The following BEND7 variants were observed in gnomAD, a reference collection of about 807,000 sequenced individuals.
BEND7 encodes the protein BEN domain-containing protein 7.
In BEND7, 28 loss-of-function variants were observed where a neutral mutation model predicts 50.9. The observed-to-expected ratio is 0.55, with a 90% CI of 0.41 to 0.75. The LOEUF (loss-of-function observed/expected upper bound fraction) is 0.75, where lower values mean the gene tolerates loss of function less well. Ranked by LOEUF, BEND7 falls within the 30% of genes least tolerant of loss-of-function variation. The pLI is 0.00. For missense variants in BEND7, 477 were observed against 491.3 expected (o/e 0.97, Z 0.28); for synonymous variants, 170 against 183.9 (o/e 0.92, Z 0.61).
chr10:13,439,670 C>A (rs902369261), downstream of BEND7, among the ~76,000 whole-genome samples: 1 of 152,210 alleles, frequency 6.6e-6, no homozygotes, highest in Non-Finnish European at 1.5e-5. Flanking sequence ...CCAGCCTGAG[C>A]TGATTCTTTC....
At chr10:13,473,086 T>C (rs2075050642) in intron 6 of BEND7, among the ~76,000 whole-genome samples, 1 of 151,658 alleles carries the variant, frequency 6.6e-6, no homozygotes, top group African/African-American at 2.4e-5. Context: ...GGGACTGATA[T>C]CCATCATCGT....
chr10:13,517,065 CTTTTTTTT>C (rs5783329), intron 2 of BEND7, among the ~76,000 whole-genome samples: 3 of 126,132 alleles, frequency 2.4e-5, no homozygotes, highest in Non-Finnish European at 5.1e-5. Context: ...TTTCTGGTGG[CTTTTTTTT>C]TTTTTTTTTT....
Position 13,526,229 on chromosome 10 carries a change from G to A in BEND7, c.62-8C>T, listed in dbSNP as rs1276249408. The A allele has an allele frequency of 3.1e-6, 4 of 1,282,762 alleles. No individual in the cohort carries two copies. Among genetic ancestry groups the A allele is most frequent in the Admixed American group, 4.7e-5 (2 of 42,590 alleles). 79.5% of individuals were successfully genotyped at this position (1,282,762 alleles called of 1,614,324 possible). A position where few individuals can be genotyped will look rare whatever the true frequency, so the allele number is the denominator to read the frequency against. ...ACACCTCGTGGTGATAATCTGGCAT[G>A]AGAAAACAACCAAAAATTAGAATCC... On this transcript the variant is annotated splice_polypyrimidine_tract_variant and splice_region_variant and intron_variant, in intron 1 of 8. Transcript: ENST00000466271.
intron 2 of BEND7, among the ~76,000 whole-genome samples, chr10:13,506,629 C>T (rs1488792977): frequency 6.6e-6 from 1 of 152,130 alleles, no homozygotes; most frequent in Non-Finnish European, 1.5e-5. Context: ...ATATATCCTA[C>T]ACAAAAACAA....
At chr10:13,501,986 A>T (rs1402389252) in intron 2 of BEND7, among the ~76,000 whole-genome samples, 1 of 152,156 alleles carries the variant, frequency 6.6e-6, no homozygotes, top group Admixed American at 6.5e-5. Context: ...GCTCCTACAA[A>T]TACACACAGC....
chr10:13,441,735 G>C lies in BEND7; in HGVS notation c.*8C>G, dbSNP rs536722933. On this transcript the variant is annotated 3_prime_UTR_variant, in exon 9 of 9. Transcript: ENST00000466271. The stretch of plus-strand genomic sequence containing the variant: ...AAAAACACAAGAGCTGTGGTTTGCA[G>C]TCCTTCATCAGACCACTTGAGAAAA... The C allele has an allele frequency of 6.2e-7, 1 of 1,614,068 alleles. No homozygotes were observed. Among genetic ancestry groups the C allele is most frequent in the African/African-American group, 1.3e-5 (1 of 75,052 alleles).
chr10:13,484,199 G>C (rs916981710), intron 5 of BEND7, among the ~76,000 whole-genome samples: 5 of 152,190 alleles, frequency 3.3e-5, no homozygotes, highest in African/African-American at 1.2e-4. Flanking sequence ...TTCTCGGCCT[G>C]TCTCCTATTC....
At chr10:13,498,597 TAG>T (rs1191656046) in intron 3 of BEND7, among the ~76,000 whole-genome samples, 1 of 152,238 alleles carries the variant, frequency 6.6e-6, no homozygotes, top group African/African-American at 2.4e-5. Flanking sequence ...TCCATGGTAG[TAG>T]AGTTAGAAAG....
chr10:13,479,549 C>G (rs2075707928), intron 6 of BEND7, among the ~76,000 whole-genome samples: 1 of 152,170 alleles, frequency 6.6e-6, no homozygotes, highest in Non-Finnish European at 1.5e-5. Context: ...CGCTGCATTT[C>G]AGAAAAGCAC....
At chr10:13,478,254 G>T (rs1168501807) in intron 6 of BEND7, among the ~76,000 whole-genome samples, 1 of 152,190 alleles carries the variant, frequency 6.6e-6, no homozygotes. Context: ...CTTCCAGGGA[G>T]GGAGTTCACA....
chr10:13,528,143 C>T (rs1425069076), intron 1 of BEND7, among the ~76,000 whole-genome samples: 3 of 152,150 alleles, frequency 2.0e-5, no homozygotes, highest in African/African-American at 7.2e-5. Flanking sequence ...GGTCCACGCT[C>T]GGCCTGATGG....
At chr10:13,498,039 T>C (rs1291782083) in intron 3 of BEND7, among the ~76,000 whole-genome samples, 4 of 151,572 alleles carry the variant, frequency 2.6e-5, no homozygotes, top group South Asian at 2.1e-4. Context: ...AATACCAAAG[T>C]AGTCACAGTT....
At chr10:13,505,421 A>G (rs530246449) in intron 2 of BEND7, among the ~76,000 whole-genome samples, 1 of 152,324 alleles carries the variant, frequency 6.6e-6, no homozygotes, top group East Asian at 1.9e-4. Context: ...ACCTGTGTGG[A>G]TAACGCTCTG....
chr10:13,451,221 G>A (rs968259738), intron 7 of BEND7, among the ~76,000 whole-genome samples: 15 of 148,930 alleles, frequency 1.0e-4, no homozygotes, highest in African/African-American at 2.2e-4. Context: ...ACAGGGTCTC[G>A]CTCTGTCACC....
intron 5 of BEND7, among the ~76,000 whole-genome samples, chr10:13,483,257 C>T (rs1282301272): frequency 1.3e-5 from 2 of 152,132 alleles, no homozygotes; most frequent in South Asian, 2.1e-4. Context: ...ATCCTGTGAA[C>T]ATGGACCCCA....
chr10:13,471,650 C>A (rs1054286482), intron 6 of BEND7, among the ~76,000 whole-genome samples: 1 of 152,230 alleles, frequency 6.6e-6, no homozygotes, highest in East Asian at 1.9e-4. Flanking sequence ...GAAACCAGGA[C>A]CCTTGTGTCA....
chr10:13,486,381 C>A (rs1189331490), intron 5 of BEND7, among the ~76,000 whole-genome samples: 1 of 152,186 alleles, frequency 6.6e-6, no homozygotes, highest in African/African-American at 2.4e-5. Context: ...AGGGTAGCCA[C>A]AAGAGCATGT....
chr10:13,452,640 C>A lies in BEND7; in HGVS notation c.1082G>T (p.Cys361Phe). The change falls in exon 7 of 9, where the codon TGT (cysteine) becomes TTT (phenylalanine). Residue 361 changes from cysteine (C) to phenylalanine (F), a missense_variant. Physicochemically the swap from Cys to Phe is radical, Grantham distance 205. Coordinates refer to ENST00000466271, the MANE Select transcript of BEND7 (RefSeq NM_001369863.1). ...GAIKVFTEKY[C>F]TANHVDKLPG... is the part of the protein sequence containing the mutation. ...AAGCTTATCCACATGGTTAGCTGTACAGTACTTTTCTGTGAAGACTGAAAG... is the reference window on the plus strand; with the variant it reads ...AAGCTTATCCACATGGTTAGCTGTAAAGTACTTTTCTGTGAAGACTGAAAG... The A allele has an allele frequency of 1.9e-6, 3 of 1,600,262 alleles. No homozygotes were observed. Among genetic ancestry groups the A allele is most frequent in the Non-Finnish European group, 2.6e-6 (3 of 1,173,762 alleles).
Position 13,528,605 on chromosome 10 carries a change from A to G in BEND7, c.-72T>C, listed in dbSNP as rs1184538115. On this transcript the variant is annotated 5_prime_UTR_variant, in exon 1 of 9. Transcript: ENST00000466271. ...CGGCAGCGGCAGCGGCGGCAGCGGC[A>G]GCGGCGGCGCGGGCTCGTGTCACCG... The G allele has an allele frequency of 1.3e-5, 10 of 741,590 alleles. No individual in the cohort carries two copies. The highest frequency in any genetic ancestry group is 2.9e-5 in the African/African-American group (1 of 34,144). 45.9% of individuals were successfully genotyped at this position (741,590 alleles called of 1,614,324 possible).
Sources: allele counts gnomAD v4.1 joint callset (sites outside exome capture counted in the v4.1 genomes callset), GRCh38; gene constraint gnomAD v4.1.1; transcripts MANE v1.5; gene names NCBI Gene and HGNC (gene_info 2026-07-23, HGNC 2026-07-21).